Variants in DSG2 observed in about 807,000 individuals in gnomAD.
DSG2 encodes desmoglein-2.
DSG2 carries 45 observed loss-of-function variants against 75.6 expected under a neutral mutation model. The ratio of observed to expected loss-of-function variants is 0.60; its 90% CI spans 0.47 to 0.76. DSG2 has a LOEUF of 0.76. Among genes scored for constraint, DSG2 ranks in the 30% least tolerant of loss-of-function variants. The pLI is 0.00. For synonymous variants in DSG2, 429 were observed against 483.9 expected (o/e 0.89, Z 1.49); for missense variants, 1,267 against 1,357.4 (o/e 0.93, Z 1.05).
At chr18:31,529,705 C>G (rs1005183834) in intron 8 of DSG2, among the ~76,000 whole-genome samples, 1 of 152,142 alleles carries the variant, frequency 6.6e-6, no homozygotes, top group South Asian at 2.1e-4. Context: ...TGCTGTAATT[C>G]ATGTAAACAT....
rs560915222 is a variant in DSG2, at chr18:31,527,503, G to A, written c.1014+2615G>A. Among the ~76,000 whole-genome samples the A allele has an allele frequency of 9.8e-5, 15 of 152,334 alleles. 1 individual carries two copies. The South Asian group carries it at 1.2e-3, about 13-fold the overall frequency. On this transcript the variant is annotated intron_variant, in intron 8 of 14. Coordinates refer to ENST00000261590, the MANE Select transcript of DSG2 (RefSeq NM_001943.5). ...AATGAGTATTACAGTGAAAGCAACC[G>A]AGTGAGATAATTACAAAGTCATTGT...
In DSG2 at chr18:31,541,300, C is replaced by T. The variant is rs2073266441; in HGVS notation, c.1987C>T (p.Pro663Ser). 6.2e-7 allele frequency: 1 copy of T among 1,614,042 alleles called. No individual in the cohort carries two copies. The highest frequency in any genetic ancestry group is 2.2e-5 in the East Asian group (1 of 44,868). The change falls in exon 13 of 15, where the codon CCA becomes TCA. Residue 663 changes from proline to serine, a missense_variant. Coordinates refer to ENST00000261590, the MANE Select transcript of DSG2 (RefSeq NM_001943.5). ...MLHPWNNEGA[P>S]PEDKVVPSFL... ...GCATCCTTGGAATAATGAAGGAGCA[C>T]CACCTGAAGACAAGGTCAGTGGATC...
At position 31,524,852 on chromosome 18, in the gene DSG2, T is replaced by A; in HGVS notation, c.978T>A (p.Asp326Glu). The change falls in exon 8 of 15, where the codon GAT (aspartate) becomes GAA (glutamate). Residue 326 changes from aspartate to glutamate, a missense_variant. Physicochemically the swap from Asp to Glu is conservative, Grantham distance 45 (BLOSUM62 2). Coordinates refer to ENST00000261590, the MANE Select transcript of DSG2 (RefSeq NM_001943.5). ...NEGGYFHIET[D>E]AQTNEGIVTL... ...GAGGTTATTTCCACATAGAAACAGATGCTCAAACTAACGAAGGAATTGTGA... is the reference window on the plus strand; with the variant it reads ...GAGGTTATTTCCACATAGAAACAGAAGCTCAAACTAACGAAGGAATTGTGA... 6.2e-7 allele frequency: 1 copy of A among 1,614,218 alleles called. No homozygotes were observed. Among genetic ancestry groups the A allele is most frequent in the Non-Finnish European group, 8.5e-7 (1 of 1,180,030 alleles).
chr18:31,509,310 A>G (rs954151859), intron 1 of DSG2, among the ~76,000 whole-genome samples: 2 of 152,200 alleles, frequency 1.3e-5, no homozygotes, highest in African/African-American at 4.8e-5. Context: ...TAGCCCAAAC[A>G]TCCGAAGAAC....
At chr18:31,499,203 C>A (rs117873584) in intron 1 of DSG2, among the ~76,000 whole-genome samples, 2,254 of 152,244 alleles carry the variant, frequency 0.015, 32 homozygotes, top group Non-Finnish European at 0.024. Flanking sequence ...CCAGAGAGTT[C>A]ACAAATATGT....
intron 1 of DSG2, among the ~76,000 whole-genome samples, chr18:31,513,140 T>C (rs563868961): frequency 6.6e-6 from 1 of 152,292 alleles, no homozygotes; most frequent in African/African-American, 2.4e-5. Flanking sequence ...CAACTAAAAC[T>C]AGGTTAAAGA....
At position 31,546,186 on chromosome 18, in the gene DSG2, A is replaced by G. The variant is rs1469730786; in HGVS notation, c.2800A>G (p.Ile934Val). 6.2e-6 allele frequency: 10 copies of G among 1,613,856 alleles called. No homozygotes were observed. The Admixed American group carries it at 6.7e-5, about 11-fold the overall frequency. The change falls in exon 15 of 15, where the codon ATA becomes GTA. Residue 934 changes from isoleucine to valine, a missense_variant. Ile to Val is a conservative substitution (Grantham distance 29, BLOSUM62 3). Transcript: ENST00000261590. The stretch of plus-strand genomic sequence containing the variant: ...TGACCCAATGGCTTCTAGAAATGTG[A>G]TAGCAACAGAAACTTCCTATGTCAC... The part of the protein sequence containing the change: ...LPDPMASRNV[I>V]ATETSYVTGS...
intron 5 of DSG2, 93 bp from the exon 6 acceptor site, chr18:31,521,990 C>A: frequency 1.6e-6 from 2 of 1,250,118 alleles, no homozygotes; most frequent in Non-Finnish European, 2.3e-6. Context: ...CACCTGAAAT[C>A]TTTTTTGGAA....
At chr18:31,542,952 A>G (rs1275501729) in intron 14 of DSG2, 100 bp downstream of exon 14, 3 of 972,714 alleles carry the variant, frequency 3.1e-6, no homozygotes, top group East Asian at 3.5e-5. Context: ...TCCAAATGAG[A>G]CTTTGGGTTT....
Position 31,548,604 on chromosome 18 carries a change from A to G in DSG2, c.*1861A>G, listed in dbSNP as rs1280821424. ...TCAGTTTTATTTTGCCAAGTATGCA[A>G]CAGGTATATCACTAGTATATGAAAA... On this transcript the variant is annotated 3_prime_UTR_variant, in exon 15 of 15. Coordinates refer to ENST00000261590, the MANE Select transcript of DSG2 (RefSeq NM_001943.5). 6.6e-6 allele frequency: 1 copy of G among 152,188 alleles called. No homozygotes were observed. The highest frequency in any genetic ancestry group is 1.5e-5 in the Non-Finnish European group (1 of 68,034). The allele number at this position is 152,188 out of a possible 1,614,324, so 9.4% of individuals were successfully genotyped here. A position where few individuals can be genotyped will look rare whatever the true frequency, so the allele number is the denominator to read the frequency against.
chr18:31,527,270 A>G (rs1174370224), intron 8 of DSG2, among the ~76,000 whole-genome samples: 1 of 152,244 alleles, frequency 6.6e-6, no homozygotes, highest in African/African-American at 2.4e-5. Context: ...AGGCTATACC[A>G]TATAGTGTAG....
rs559714351 is a variant in DSG2 at position 31,522,566 on chromosome 18, T to A, written c.690+317T>A. The A allele has an allele frequency of 3.5e-4, 70 of 202,324 alleles. 1 individual carries two copies. 12.5% of individuals were successfully genotyped at this position (202,324 alleles called of 1,614,324 possible). On this transcript the variant is annotated intron_variant, in intron 6 of 14. Transcript: ENST00000261590. ...TTGTGATCATTGCATGTTAAAATAA[T>A]ATTTTAGATATCATAGATTAAATAA... is the stretch of plus-strand genomic sequence containing the variant.
rs113451409 is a variant in DSG2, at chr18:31,521,157, G to T, written c.437G>T (p.Arg146Leu). 7.8e-4 allele frequency: 1,259 copies of T among 1,613,814 alleles called. No homozygotes were observed. The highest frequency in any genetic ancestry group is 1.0e-3 in the Non-Finnish European group (1,198 of 1,179,904). ...GNNVEKPLEL[R>L]IKVLDINDNE... ...AATGTAGAGAAACCCTTAGAGCTAC[G>T]CATTAAGGTTCTTGATATCAATGAC... Residue 146 changes from arginine to leucine, a missense_variant, in exon 5 of 15, where the codon CGC (arginine) becomes CTC (leucine). By Grantham distance (102) the Arg-to-Leu change is moderately radical (BLOSUM62 -2). Coordinates refer to ENST00000261590, the MANE Select transcript of DSG2 (RefSeq NM_001943.5).
At chr18:31,523,705 A>G (rs777087617) in intron 6 of DSG2, among the ~76,000 whole-genome samples, 1 of 152,246 alleles carries the variant, frequency 6.6e-6, no homozygotes, top group Non-Finnish European at 1.5e-5. Flanking sequence ...TAATCCACAT[A>G]GAAACCCTGT....
intron 1 of DSG2, among the ~76,000 whole-genome samples, chr18:31,504,989 A>G (rs2073031787): frequency 6.6e-6 from 1 of 152,110 alleles, no homozygotes; most frequent in African/African-American, 2.4e-5. Flanking sequence ...TCCCTGACTT[A>G]GTAATTTAAT....
chr18:31,541,131 A>G (rs985014571), intron 12 of DSG2, 62 bp from the exon 13 acceptor site: 10 of 1,609,882 alleles, frequency 6.2e-6, no homozygotes, highest in Non-Finnish European at 7.6e-6. Flanking sequence ...AAAATTGTGC[A>G]ATATAAATTT....
At chr18:31,522,595 A>G (rs1002728028) in intron 6 of DSG2, 1 of 178,444 alleles carries the variant, frequency 5.6e-6, no homozygotes, top group African/African-American at 2.4e-5. Flanking sequence ...TAAATAAAAT[A>G]TACTTGTTTA....
At chr18:31,534,790 G>A (rs887621607) in intron 9 of DSG2, among the ~76,000 whole-genome samples, 12 of 152,158 alleles carry the variant, frequency 7.9e-5, no homozygotes, top group Admixed American at 3.3e-4. Context: ...GATTACAGGC[G>A]TGAGCCACCG....
At chr18:31,539,551 G>T (rs1159472557) in intron 12 of DSG2, among the ~76,000 whole-genome samples, 2 of 152,132 alleles carry the variant, frequency 1.3e-5, no homozygotes, top group East Asian at 3.9e-4. Context: ...AACCAGTCCT[G>T]CCTGCCCTAC....
Sources: gnomAD v4.1 joint callset for allele counts (sites outside exome capture counted in the v4.1 genomes callset) on GRCh38, gnomAD v4.1.1 for gene constraint, MANE v1.5 for transcripts, NCBI Gene and HGNC (gene_info 2026-07-23, HGNC 2026-07-21) for gene names.